FRAS1: variants seen among roughly 807,000 people sequenced by gnomAD.
FRAS1 encodes the protein Fraser extracellular matrix complex subunit 1.
In FRAS1, 290 loss-of-function variants were observed where a neutral mutation model predicts 435.2. The ratio of observed to expected loss-of-function variants is 0.67; its 90% CI spans 0.61 to 0.73. FRAS1 has a LOEUF of 0.73. Among genes scored for constraint, FRAS1 ranks in the 30% least tolerant of loss-of-function variants. FRAS1 has a pLI of 0.00. For missense variants in FRAS1, 4,860 were observed against 5,001.5 expected, an observed-to-expected ratio of 0.97 and a Z score of 0.85; for synonymous variants, 1,800 against 1,851.0, an observed-to-expected ratio of 0.97 and a Z score of 0.71.
chr4:78,419,997 G>C (rs1290784134), intron 33 of FRAS1, among the ~76,000 whole-genome samples: 1 of 152,132 alleles, frequency 6.6e-6, no homozygotes, highest in Admixed American at 6.6e-5. Context: ...ACCAGACCCT[G>C]CCTCCAACAT....
chr4:78,159,850 C>T (rs1274244213), intron 2 of FRAS1, among the ~76,000 whole-genome samples: 1 of 152,154 alleles, frequency 6.6e-6, no homozygotes, highest in Admixed American at 6.5e-5. Flanking sequence ...CATTGCACTC[C>T]AGCATGGGTG....
At chr4:78,484,106 G>A (rs1325115620) in intron 58 of FRAS1, among the ~76,000 whole-genome samples, 2 of 152,022 alleles carry the variant, frequency 1.3e-5, no homozygotes, top group East Asian at 3.9e-4. Flanking sequence ...TGGCCCTAAA[G>A]TTGTGCCTTT....
chr4:78,429,513 C>T (rs1186424583), intron 36 of FRAS1, among the ~76,000 whole-genome samples: 1 of 151,984 alleles, frequency 6.6e-6, no homozygotes, highest in Non-Finnish European at 1.5e-5. Context: ...AATAGAGCGG[C>T]GAGAAGAACA....
chr4:78,277,743 T>C (rs1727125504), intron 9 of FRAS1, among the ~76,000 whole-genome samples: 1 of 152,032 alleles, frequency 6.6e-6, no homozygotes, highest in African/African-American at 2.4e-5. Flanking sequence ...GAAATGAAAA[T>C]GATAAGACTT....
intron 14 of FRAS1, among the ~76,000 whole-genome samples, chr4:78,295,793 G>A (rs1449963935): frequency 1.3e-5 from 2 of 149,398 alleles, no homozygotes; most frequent in Non-Finnish European, 3.0e-5. Context: ...CACCCAGGCT[G>A]TAGTACAGTG....
chr4:78,161,742 C>CAAAAAAAAAAAA (rs71214399), intron 2 of FRAS1, among the ~76,000 whole-genome samples: 17 of 24,886 alleles, frequency 6.8e-4, no homozygotes, highest in South Asian at 5.9e-3. Flanking sequence ...AACTCTGTCT[C>CAAAAAAAAAAAA]AAAAAAAAAA....
At chr4:78,465,159 A>G (rs1578340281) in intron 49 of FRAS1, among the ~76,000 whole-genome samples, 1 of 152,322 alleles carries the variant, frequency 6.6e-6, no homozygotes, top group East Asian at 1.9e-4. Context: ...AATTAGTTCT[A>G]TGTATCCCCT....
chr4:78,323,445 C>G (rs1371341185), intron 18 of FRAS1, among the ~76,000 whole-genome samples: 1 of 152,098 alleles, frequency 6.6e-6, no homozygotes, highest in African/African-American at 2.4e-5. Context: ...CACATCAGCC[C>G]CTTGCACAAA....
intron 66 of FRAS1, among the ~76,000 whole-genome samples, chr4:78,518,080 G>A (rs2109890791): frequency 6.6e-6 from 1 of 152,074 alleles, no homozygotes; most frequent in Middle Eastern, 3.4e-3. Context: ...TGGAGTCACT[G>A]CATTCTAGTC....
chr4:78,284,648 G>A (rs543676888), intron 13 of FRAS1, 100 bp downstream of exon 13: 2 of 1,110,506 alleles, frequency 1.8e-6, no homozygotes, highest in South Asian at 1.8e-5. Context: ...GTCAAGGAGG[G>A]GGTCATGCAT....
chr4:78,097,686 C>G (rs1741880554), intron 2 of FRAS1, among the ~76,000 whole-genome samples: 1 of 152,126 alleles, frequency 6.6e-6, no homozygotes, highest in Non-Finnish European at 1.5e-5. Context: ...GAAAGACCTG[C>G]CCCCATCATT....
chr4:78,132,437 C>T (rs1719726955), intron 2 of FRAS1, among the ~76,000 whole-genome samples: 1 of 152,202 alleles, frequency 6.6e-6, no homozygotes, highest in Non-Finnish European at 1.5e-5. Flanking sequence ...TCCAGCAATG[C>T]AGTGCTCATC....
At chr4:78,321,343 C>T (rs1214947908) in intron 18 of FRAS1, among the ~76,000 whole-genome samples, 1 of 152,150 alleles carries the variant, frequency 6.6e-6, no homozygotes, top group Non-Finnish European at 1.5e-5. Context: ...AATCTAAGTC[C>T]AGTATCCAGT....
chr4:78,279,686 C>T (rs1727233889), intron 10 of FRAS1, among the ~76,000 whole-genome samples: 1 of 152,150 alleles, frequency 6.6e-6, no homozygotes, highest in Non-Finnish European at 1.5e-5. Context: ...ATATATTTAT[C>T]TTAATCTTTT....
intron 3 of FRAS1, among the ~76,000 whole-genome samples, chr4:78,242,985 A>T (rs1030667025): frequency 6.6e-6 from 1 of 152,204 alleles, no homozygotes. Context: ...GAGAGAAAGA[A>T]CACAAAGGTA....
At position 78,521,532 on chromosome 4, in the gene FRAS1, C is replaced by T. The variant is rs1288265861; in HGVS notation, c.10550C>T (p.Thr3517Ile). The T allele has an allele frequency of 2.5e-6, 4 of 1,608,356 alleles. No individual in the cohort carries two copies. Among genetic ancestry groups the T allele is most frequent in the Non-Finnish European group, 3.4e-6 (4 of 1,177,400 alleles). The change falls in exon 68 of 74, where the codon ACA becomes ATA. Residue 3517 changes from threonine (T) to isoleucine (I), a missense_variant. By Grantham distance (89) the Thr-to-Ile change is moderately conservative. Coordinates refer to ENST00000512123, the MANE Select transcript of FRAS1 (RefSeq NM_025074.7). ...DTVLWRTGIQ[T>I]DSVLSARLQI... is the part of the protein sequence containing the mutation. ...CTGCTTTCCTGCCCAGGAATCCAGA[C>T]AGACAGCGTGCTCTCTGCAAGGCTT...
At chr4:78,206,370 G>A (rs1160451518) in intron 2 of FRAS1, among the ~76,000 whole-genome samples, 1 of 152,084 alleles carries the variant, frequency 6.6e-6, no homozygotes, top group African/African-American at 2.4e-5. Flanking sequence ...TTCTCCCCTC[G>A]GAGCCTTAAG....
At chr4:78,342,172 T>G (rs1730420304) in intron 20 of FRAS1, among the ~76,000 whole-genome samples, 1 of 152,208 alleles carries the variant, frequency 6.6e-6, no homozygotes, top group African/African-American at 2.4e-5. Flanking sequence ...TGCCTGCTCT[T>G]TCGTGTATGT....
chr4:78,520,088 G>A (rs1269382769), intron 67 of FRAS1, among the ~76,000 whole-genome samples: 2 of 151,844 alleles, frequency 1.3e-5, no homozygotes, highest in African/African-American at 4.8e-5. Flanking sequence ...GTGGGAGGCA[G>A]CCCTTCAGCT....
Sources: allele counts gnomAD v4.1 joint callset (sites outside exome capture counted in the v4.1 genomes callset), GRCh38; gene constraint gnomAD v4.1.1; transcripts MANE v1.5; gene names NCBI Gene and HGNC (gene_info 2026-07-23, HGNC 2026-07-21).